The following TUFT1 variants were observed in gnomAD, a reference collection of about 807,000 sequenced individuals.
TUFT1 encodes tuftelin 1.
A neutral mutation model predicts 57.8 loss-of-function variants in TUFT1; 43 were observed. The observed-to-expected ratio is 0.74, with a 90% CI of 0.58 to 0.96. The LOEUF is 0.96. Among genes scored for constraint, TUFT1 ranks in the 40% least tolerant of loss-of-function variants. The probability of loss-of-function intolerance (pLI) is 0.00; values close to 1 mark genes in which losing one functional copy is unlikely to be tolerated. For missense variants in TUFT1, 459 were observed against 489.0 expected (o/e 0.94, Z 0.58); for synonymous variants, 166 against 176.7 (o/e 0.94, Z 0.48).
rs137971617 is a variant in TUFT1, at chr1:151,542,517, C to T, written c.60+2091C>T. Among the ~76,000 whole-genome samples the T allele has an allele frequency of 1.4e-3, 213 of 152,162 alleles. 3 individuals carry two copies. The highest frequency in any genetic ancestry group is 4.9e-3 in the African/African-American group (203 of 41,492). On this transcript the variant is annotated intron_variant, in intron 1 of 12. Transcript: ENST00000368849. ...AAAGGCTTGGGATTACAGGCATGAG[C>T]CACTACATCTGGCCCCTTTTACTCT...
intron 1 of TUFT1, among the ~76,000 whole-genome samples, chr1:151,541,369 T>G (rs370460842): frequency 1.3e-5 from 2 of 152,202 alleles, no homozygotes; most frequent in African/African-American, 4.8e-5. Context: ...CTCCAGAGGC[T>G]GAGGAGGGTA....
intron 1 of TUFT1, 139 bp downstream of exon 1, chr1:151,540,565 T>C: frequency 1.1e-6 from 1 of 914,066 alleles, no homozygotes; most frequent in Non-Finnish European, 1.7e-6. Context: ...CGCTTCTCTC[T>C]TTTTATTCTT....
At chr1:151,571,963 T>C (rs1666263128) in intron 7 of TUFT1, among the ~76,000 whole-genome samples, 1 of 151,658 alleles carries the variant, frequency 6.6e-6, no homozygotes, top group African/African-American at 2.4e-5. Flanking sequence ...TCAGGAGGCC[T>C]CAGGAGGCCA....
At chr1:151,553,119 T>C (rs1235248153) in intron 1 of TUFT1, among the ~76,000 whole-genome samples, 4 of 151,242 alleles carry the variant, frequency 2.6e-5, no homozygotes, top group African/African-American at 9.7e-5. Flanking sequence ...TTAGATGGAG[T>C]CTTGCTCTTG....
At chr1:151,546,150 C>T (rs1665332767) in intron 1 of TUFT1, among the ~76,000 whole-genome samples, 1 of 151,592 alleles carries the variant, frequency 6.6e-6, no homozygotes, top group South Asian at 2.1e-4. Flanking sequence ...TTGTCTTGGC[C>T]AGAGAGGTTC....
intron 1 of TUFT1, among the ~76,000 whole-genome samples, chr1:151,561,005 A>T (rs773140481): frequency 0.013 from 1,168 of 89,610 alleles, 10 homozygotes; most frequent in African/African-American, 0.044. Flanking sequence ...TGTGTGTGTG[A>T]GTGTTTGAGA....
intron 1 of TUFT1, among the ~76,000 whole-genome samples, chr1:151,543,727 T>G (rs889562743): frequency 1.4e-4 from 21 of 152,120 alleles, no homozygotes; most frequent in African/African-American, 5.1e-4. Context: ...ATGCTCAAGA[T>G]TCCAGGGAGA....
chr1:151,574,328 A>T lies in TUFT1; in HGVS notation c.653A>T (p.Glu218Val). 1 of 1,614,094 alleles carries T rather than the reference A, an allele frequency of 6.2e-7. No homozygotes were observed. The highest frequency in any genetic ancestry group is 8.5e-7 in the Non-Finnish European group (1 of 1,180,014). The change falls in exon 8 of 13, where the codon GAG becomes GTG. Residue 218 changes from glutamate to valine, a missense_variant. Coordinates refer to ENST00000368849, the MANE Select transcript of TUFT1 (RefSeq NM_020127.3). ...CAAAGTAATGTGGCCCTTCAGAGAG[A>T]GGAGGACAGAGTGGAGCAGAAAGAG... is the stretch of plus-strand genomic sequence containing the variant. Reference protein sequence around the residue: ...AEQSNVALQREEDRVEQKEAE... With the variant: ...AEQSNVALQRVEDRVEQKEAE...
At chr1:151,579,591 GGTGA>G in intron 10 of TUFT1, 54 bp from the exon 11 acceptor site, 1 of 1,579,388 alleles carries the variant, frequency 6.3e-7, no homozygotes, top group Non-Finnish European at 8.7e-7. Context: ...GGTGAAGTCT[GGTGA>G]GTGTGTAATG....
chr1:151,565,829 A>G (rs1666051466), intron 5 of TUFT1: 1 of 192,632 alleles, frequency 5.2e-6, no homozygotes, highest in Non-Finnish European at 1.1e-5. Flanking sequence ...ATCTGCTGAA[A>G]GATTTTAGCC....
At chr1:151,560,153 C>T (rs1558006879) in intron 1 of TUFT1, among the ~76,000 whole-genome samples, 1 of 150,598 alleles carries the variant, frequency 6.6e-6, no homozygotes, top group Non-Finnish European at 1.5e-5. Flanking sequence ...TGCGGTGGCT[C>T]ACGCCTGTAA....
At chr1:151,579,075 C>A (rs1262433724) in intron 10 of TUFT1, among the ~76,000 whole-genome samples, 1 of 152,226 alleles carries the variant, frequency 6.6e-6, no homozygotes, top group Non-Finnish European at 1.5e-5. Flanking sequence ...TTGTCATATA[C>A]TCTGTGAAGA....
At chr1:151,570,865 C>T (rs61819529) in intron 7 of TUFT1, among the ~76,000 whole-genome samples, 154 of 152,220 alleles carry the variant, frequency 1.0e-3, no homozygotes, top group Middle Eastern at 3.4e-3. Flanking sequence ...CACCACCATG[C>T]CTGGCTAATT....
intron 1 of TUFT1, among the ~76,000 whole-genome samples, chr1:151,550,023 A>T (rs898774182): frequency 1.3e-5 from 2 of 151,508 alleles, no homozygotes; most frequent in Non-Finnish European, 2.9e-5. Flanking sequence ...TGCCTAGCCA[A>T]GTTTAGTACT....
In TUFT1 at chr1:151,582,155, C is replaced by A. The variant is rs771294104; in HGVS notation, c.*448C>A. 2 of 460,470 alleles carry A rather than the reference C, an allele frequency of 4.3e-6. No individual in the cohort carries two copies. The highest frequency in any genetic ancestry group is 3.1e-5 in the South Asian group (2 of 64,610). 28.5% of individuals were successfully genotyped at this position (460,470 alleles called of 1,614,324 possible). On this transcript the variant is annotated 3_prime_UTR_variant, in exon 13 of 13. Coordinates refer to ENST00000368849, the MANE Select transcript of TUFT1 (RefSeq NM_020127.3). ...GGGAATGAAGTTCCTTCCACAAACA[C>A]AGCTCAGTTCTTAGCAACAAACTGT...
intron 1 of TUFT1, among the ~76,000 whole-genome samples, chr1:151,556,421 C>T (rs959664063): frequency 5.3e-5 from 8 of 150,654 alleles, no homozygotes; most frequent in African/African-American, 2.0e-4. Flanking sequence ...CACCCCCCAG[C>T]TCCTCTCCTC....
intron 1 of TUFT1, among the ~76,000 whole-genome samples, chr1:151,545,068 T>G (rs1665290038): frequency 6.6e-6 from 1 of 151,196 alleles, no homozygotes; most frequent in Non-Finnish European, 1.5e-5. Context: ...CCCAGCACTT[T>G]GGGAGGCTGA....
chr1:151,576,733 G>T (rs1666475731), intron 9 of TUFT1, among the ~76,000 whole-genome samples: 1 of 152,068 alleles, frequency 6.6e-6, no homozygotes, highest in African/African-American at 2.4e-5. Context: ...CCTGGGTTCA[G>T]CCTCAGCCTC....
At chr1:151,566,792 CT>C (rs980860244) in intron 6 of TUFT1, among the ~76,000 whole-genome samples, 11 of 151,260 alleles carry the variant, frequency 7.3e-5, no homozygotes, top group Non-Finnish European at 1.3e-4. Context: ...TCTTTGCTTG[CT>C]TTTTTTTTCT....
Sources: gnomAD v4.1 joint callset for allele counts (sites outside exome capture counted in the v4.1 genomes callset) on GRCh38, gnomAD v4.1.1 for gene constraint, MANE v1.5 for transcripts, NCBI Gene and HGNC (gene_info 2026-07-23, HGNC 2026-07-21) for gene names.